C11orf65: variants seen among roughly 807,000 people sequenced by gnomAD.
The protein encoded by C11orf65 is chromosome 11 open reading frame 65.
In C11orf65, 38 loss-of-function variants were observed where a neutral mutation model predicts 35.3. The observed-to-expected ratio is 1.08, with a 90% CI of 0.83 to 1.41. The LOEUF (loss-of-function observed/expected upper bound fraction) is 1.41. Among genes scored for constraint, C11orf65 ranks in the 40% most tolerant of loss-of-function variants. C11orf65 has a pLI of 0.00. For missense variants in C11orf65, 370 were observed against 367.1 expected (o/e 1.01, Z -0.06); for synonymous variants, 105 against 114.4 (o/e 0.92, Z 0.53).
intron 2 of C11orf65, chr11:108,367,779 G>A (rs2091412180): frequency 4.6e-6 from 1 of 215,388 alleles, no homozygotes; most frequent in Non-Finnish European, 9.4e-6. Context: ...TTTGACTTCT[G>A]GAGAACTGTT....
chr11:108,431,884 AT>A (rs757743310), intron 2 of C11orf65, 46 bp from the exon 3 acceptor site: 6 of 1,219,058 alleles, frequency 4.9e-6, no homozygotes, highest in Non-Finnish European at 6.8e-6. Flanking sequence ...TGGATTTTCT[AT>A]TTCTACTTCG....
At chr11:108,455,794 T>TG (rs2093404144) in intron 2 of C11orf65, among the ~76,000 whole-genome samples, 1 of 100,206 alleles carries the variant, frequency 1.0e-5, no homozygotes, top group Non-Finnish European at 1.9e-5. Flanking sequence ...CCAGCCTGGG[T>TG]GACAGAGCAA....
intron 6 of C11orf65, among the ~76,000 whole-genome samples, chr11:108,402,799 G>A (rs1157601585): frequency 6.6e-6 from 1 of 151,972 alleles, no homozygotes; most frequent in East Asian, 1.9e-4. Context: ...TCAGATTTGT[G>A]TCTTCTAGAA....
chr11:108,442,260 A>G (rs1038458796), intron 2 of C11orf65, among the ~76,000 whole-genome samples: 13 of 152,198 alleles, frequency 8.5e-5, no homozygotes, highest in Non-Finnish European at 1.3e-4. Context: ...AGGAAGCCAG[A>G]AGAGAAGTTT....
intron 2 of C11orf65, among the ~76,000 whole-genome samples, chr11:108,445,983 C>A (rs547929412): frequency 6.6e-6 from 1 of 152,044 alleles, no homozygotes; most frequent in Admixed American, 6.6e-5. Flanking sequence ...AATGCAGAAG[C>A]CTCAGGAGCC....
At chr11:108,437,110 A>AAG (rs35610227) in intron 2 of C11orf65, among the ~76,000 whole-genome samples, 4,159 of 101,578 alleles carry the variant, frequency 0.041, 383 homozygotes, top group African/African-American at 0.15. Flanking sequence ...AAAAAAAAAA[A>AAG]GGGGGGGGGT....
At chr11:108,386,765 A>G (rs1323345307) in intron 7 of C11orf65, among the ~76,000 whole-genome samples, 1 of 152,168 alleles carries the variant, frequency 6.6e-6, no homozygotes, top group Non-Finnish European at 1.5e-5. Context: ...GGGAGCTAGC[A>G]CAGAGAGGTG....
chr11:108,441,741 C>A (rs991051932), intron 2 of C11orf65, among the ~76,000 whole-genome samples: 1 of 152,238 alleles, frequency 6.6e-6, no homozygotes, highest in Non-Finnish European at 1.5e-5. Flanking sequence ...CAAAGTCCAA[C>A]AGACCTGCAG....
intron 2 of C11orf65, among the ~76,000 whole-genome samples, chr11:108,348,228 A>G (rs979894498): frequency 6.6e-6 from 1 of 151,908 alleles, no homozygotes; most frequent in African/African-American, 2.4e-5. Flanking sequence ...CTATGTATAT[A>G]TATAGACAGT....
At chr11:108,403,417 T>G (rs1316043917) in intron 6 of C11orf65, among the ~76,000 whole-genome samples, 2 of 145,542 alleles carry the variant, frequency 1.4e-5, no homozygotes, top group Non-Finnish European at 3.0e-5. Context: ...AGGTTTTTTT[T>G]TTGTTTTTTT....
chr11:108,340,104 G>A (rs547083022), intron 2 of C11orf65: 2 of 152,290 alleles, frequency 1.3e-5, no homozygotes, highest in African/African-American at 4.8e-5. Context: ...TGTATTGTTA[G>A]AGATGGTACC....
intron 6 of C11orf65, chr11:108,317,615 T>TTATATATATATATATATATATATA (rs376158749): frequency 4.7e-6 from 1 of 211,242 alleles, no homozygotes; most frequent in African/African-American, 4.6e-5. Flanking sequence ...AGGAGTTGTT[T>TTATATATATATATATATATATATA]TATATATATA....
Position 108,383,003 on chromosome 11 carries a change from G to A in C11orf65, c.*18C>T, listed in dbSNP as rs377342939. The stretch of plus-strand genomic sequence containing the variant: ...GGAAGGCTCAAAGGGCTATAACTCA[G>A]AATAGAAATAAAGTACTTTATAGTC... On this transcript the variant is annotated 3_prime_UTR_variant, in exon 9 of 9. Transcript: ENST00000393084. The A allele has an allele frequency of 1.9e-6, 3 of 1,610,534 alleles. No homozygotes were observed. The African/African-American group carries it at 4.0e-5, about 22-fold the overall frequency.
intron 6 of C11orf65, chr11:108,309,165 C>T (rs1780487338): frequency 1.5e-6 from 1 of 670,224 alleles, no homozygotes. Context: ...TTATCCTGTA[C>T]AGTATGTTGG....
chr11:108,368,381 A>G, intron 2 of C11orf65: 1 of 209,950 alleles, frequency 4.8e-6, no homozygotes, highest in Non-Finnish European at 9.7e-6. Flanking sequence ...GAGTAGTTAG[A>G]TTTTGAAAAT....
At chr11:108,380,682 TC>T (rs1254656983), downstream of C11orf65, among the ~76,000 whole-genome samples, 1 of 152,164 alleles carries the variant, frequency 6.6e-6, no homozygotes, top group African/African-American at 2.4e-5. Context: ...TCTAGCTGCT[TC>T]CACTGCTGAA....
rs876660014 is a variant in C11orf65 at position 108,321,304 on chromosome 11, A to G, written c.641-12233T>C. 9.3e-6 allele frequency: 15 copies of G among 1,614,002 alleles called. No homozygotes were observed. The highest frequency in any genetic ancestry group is 1.3e-5 in the Non-Finnish European group (15 of 1,179,976). Reference sequence around the variant, plus strand: ...GTCTTTTCTTTTTTGCTACTAGAGTAAAAGAAGTGGAAGAGATGTGTAAGC... The same window carrying G: ...GTCTTTTCTTTTTTGCTACTAGAGTGAAAGAAGTGGAAGAGATGTGTAAGC... On this transcript the variant is annotated intron_variant, in intron 6 of 6. Transcript: ENST00000525729.
At chr11:108,411,398 C>A (rs1032612203) in intron 3 of C11orf65, among the ~76,000 whole-genome samples, 1 of 152,122 alleles carries the variant, frequency 6.6e-6, no homozygotes, top group African/African-American at 2.4e-5. Context: ...TGATCTATTA[C>A]GGGAAACATT....
At chr11:108,433,273 A>ATG (rs2093016973) in intron 2 of C11orf65, among the ~76,000 whole-genome samples, 4 of 148,868 alleles carry the variant, frequency 2.7e-5, no homozygotes, top group Non-Finnish European at 5.9e-5. Context: ...ATATATATAT[A>ATG]GATATATATA....
Sources: gnomAD v4.1 joint callset for allele counts (sites outside exome capture counted in the v4.1 genomes callset) on GRCh38, gnomAD v4.1.1 for gene constraint, MANE v1.5 for transcripts, NCBI Gene and HGNC (gene_info 2026-07-23, HGNC 2026-07-21) for gene names.